Variants in RNF141 observed in about 807,000 individuals in gnomAD.
The protein encoded by RNF141 is C3HC4-like zinc finger protein.
In RNF141, 18 loss-of-function variants were observed where a neutral mutation model predicts 27.4. The observed-to-expected ratio is 0.66, with a 90% CI of 0.45 to 0.97. RNF141 has a LOEUF of 0.97. Ranked by LOEUF, RNF141 falls within the 50% of genes least tolerant of loss-of-function variation. RNF141 has a pLI of 0.00. For synonymous variants in RNF141, 97 were observed against 96.6 expected, an observed-to-expected ratio of 1.00 and a Z score of -0.02; for missense variants, 230 against 279.4, an observed-to-expected ratio of 0.82 and a Z score of 1.26.
At chr11:10,532,496 TACACACACACACACACACAC>T (rs10559393) in intron 2 of RNF141, among the ~76,000 whole-genome samples, 1 of 131,156 alleles carries the variant, frequency 7.6e-6, no homozygotes, top group African/African-American at 2.9e-5. Context: ...GTTCATTTTC[TACACACACACACACACACAC>T]ACACACACAC....
chr11:10,525,317 A>T lies in RNF141; in HGVS notation c.309T>A (p.Phe103Leu). Residue 103 changes from phenylalanine to leucine, a missense_variant, in exon 4 of 6, where the codon TTT becomes TTA. Physicochemically the swap from Phe to Leu is conservative, Grantham distance 22. Coordinates refer to ENST00000265981, the MANE Select transcript of RNF141 (RefSeq NM_016422.4). ...TTGTGATATCTTTATAAAGTTGAATAAACTGGTATAAATTCATGATCCGTG... is the reference window on the plus strand; with the variant it reads ...TTGTGATATCTTTATAAAGTTGAATTAACTGGTATAAATTCATGATCCGTG... Reference protein sequence around the residue: ...EASRIMNLYQFIQLYKDITSQ... With the variant: ...EASRIMNLYQLIQLYKDITSQ... The T allele has an allele frequency of 1.9e-6, 3 of 1,612,330 alleles. No homozygotes were observed. Among genetic ancestry groups the T allele is most frequent in the Non-Finnish European group, 1.7e-6 (2 of 1,178,868 alleles).
intron 4 of RNF141, among the ~76,000 whole-genome samples, chr11:10,521,120 C>T (rs1487195437): frequency 6.6e-6 from 1 of 152,172 alleles, no homozygotes; most frequent in Non-Finnish European, 1.5e-5. Flanking sequence ...TTTGCTCCAG[C>T]CACAATTCAG....
chr11:10,516,002 G>A (rs189935918), intron 5 of RNF141: 7 of 152,290 alleles, frequency 4.6e-5, no homozygotes, highest in African/African-American at 1.2e-4. Context: ...GACATATTAT[G>A]CAGAGAAAAA....
At chr11:10,519,673 T>C (rs932721416) in intron 4 of RNF141, among the ~76,000 whole-genome samples, 5 of 152,224 alleles carry the variant, frequency 3.3e-5, no homozygotes, top group South Asian at 2.1e-4. Context: ...TATGGAACAC[T>C]GTAGGCTACT....
intron 1 of RNF141, among the ~76,000 whole-genome samples, chr11:10,537,581 C>T (rs2133977440): frequency 6.6e-6 from 1 of 152,122 alleles, no homozygotes; most frequent in Middle Eastern, 3.4e-3. Context: ...ATTAAACTAA[C>T]CTAAGACAGA....
At chr11:10,531,827 C>A in intron 2 of RNF141, 1 of 248,594 alleles carries the variant, frequency 4.0e-6, no homozygotes, top group Non-Finnish European at 8.1e-6. Flanking sequence ...AGCAACTAGC[C>A]TTAGGAAACA....
Position 10,512,694 on chromosome 11 carries a change from G to C in RNF141, c.*2222C>G, listed in dbSNP as rs1299808136. The C allele has an allele frequency of 1.3e-5, 2 of 150,308 alleles. No homozygotes were observed. The highest frequency in any genetic ancestry group is 4.9e-5 in the African/African-American group (2 of 40,998). The allele number at this position is 150,308 out of a possible 1,614,324, so 9.3% of individuals were successfully genotyped here. On this transcript the variant is annotated 3_prime_UTR_variant, in exon 6 of 6. Transcript: ENST00000265981. Reference sequence around the variant, plus strand: ...ATCTATCCCAAGGTTTTCAAAATATGTTCCATGGAATACTAAGAATCTATG... The same window carrying C: ...ATCTATCCCAAGGTTTTCAAAATATCTTCCATGGAATACTAAGAATCTATG...
At chr11:10,524,275 C>T (rs1451458860) in intron 4 of RNF141, among the ~76,000 whole-genome samples, 1 of 152,032 alleles carries the variant, frequency 6.6e-6, no homozygotes. Flanking sequence ...ATTAGCCGGG[C>T]GTGGTGGCGG....
In RNF141 at chr11:10,534,218, C is replaced by T. The variant is rs570348799; in HGVS notation, c.-47-13G>A. The T allele has an allele frequency of 5.1e-6, 8 of 1,557,890 alleles. No homozygotes were observed. The African/African-American group carries it at 8.3e-5, about 16-fold the overall frequency. ...CTTCACATAGTTTCTGTCAAATATACAGAAAAGTTACTTTTACATATTATA... is the reference window on the plus strand; with the variant it reads ...CTTCACATAGTTTCTGTCAAATATATAGAAAAGTTACTTTTACATATTATA... On this transcript the variant is annotated splice_polypyrimidine_tract_variant and intron_variant, in intron 1 of 5. Transcript: ENST00000265981.
At chr11:10,532,815 G>GT (rs1387528649) in intron 2 of RNF141, among the ~76,000 whole-genome samples, 1 of 152,152 alleles carries the variant, frequency 6.6e-6, no homozygotes, top group Non-Finnish European at 1.5e-5. Flanking sequence ...CTACAGTACT[G>GT]TAAGTTTATA....
At position 10,514,859 on chromosome 11, in the gene RNF141, TC is replaced by T. The variant is rs1310023426; in HGVS notation, c.*56del. ...TGCCAGTGCCACAACCCTACATTCT[TC>T]CCCCATGACCAAATATTTGAGCCCA... On this transcript the variant is annotated 3_prime_UTR_variant, in exon 6 of 6. Transcript: ENST00000265981. 6.6e-7 allele frequency: 1 copy of T among 1,526,592 alleles called. No homozygotes were observed. The highest frequency in any genetic ancestry group is 1.4e-5 in the African/African-American group (1 of 72,226). 94.6% of individuals were successfully genotyped at this position (1,526,592 alleles called of 1,614,324 possible). A position where few individuals can be genotyped will look rare whatever the true frequency, so the allele number is the denominator to read the frequency against.
chr11:10,534,790 T>C (rs1365516755), intron 1 of RNF141, among the ~76,000 whole-genome samples: 1 of 152,156 alleles, frequency 6.6e-6, no homozygotes, highest in Non-Finnish European at 1.5e-5. Context: ...TTATCCACTA[T>C]GACATACTGG....
intron 4 of RNF141, 48 bp from the exon 5 acceptor site, chr11:10,519,189 G>T: frequency 6.6e-7 from 1 of 1,517,226 alleles, no homozygotes; most frequent in Non-Finnish European, 9.1e-7. Flanking sequence ...CTGTCATTAT[G>T]CTTTATACTT....
chr11:10,534,564 A>G (rs1236023101), intron 1 of RNF141, among the ~76,000 whole-genome samples: 2 of 152,100 alleles, frequency 1.3e-5, no homozygotes, highest in Admixed American at 1.3e-4. Flanking sequence ...TCCTAAGAAC[A>G]TTTCCTGACT....
At chr11:10,538,750 G>C (rs1274544418) in intron 1 of RNF141, among the ~76,000 whole-genome samples, 1 of 152,206 alleles carries the variant, frequency 6.6e-6, no homozygotes, top group Non-Finnish European at 1.5e-5. Flanking sequence ...CTAGGTTGGA[G>C]AGAAGCAGAA....
At chr11:10,518,836 C>T (rs755768413) in intron 5 of RNF141, 198 bp downstream of exon 5, 15 of 453,552 alleles carry the variant, frequency 3.3e-5, no homozygotes, top group Non-Finnish European at 3.9e-6. Flanking sequence ...AACTAAGGTA[C>T]ACCCCCATAT....
chr11:10,514,790 T>A lies in RNF141; in HGVS notation c.*126A>T. On this transcript the variant is annotated 3_prime_UTR_variant, in exon 6 of 6. Transcript: ENST00000265981. The stretch of plus-strand genomic sequence containing the variant: ...TTAAAAGGGGGACAAATGATCAGAA[T>A]AGCAAAAATAAAAGAGTGGGGAAAA... The A allele has an allele frequency of 5.8e-6, 5 of 862,120 alleles. No homozygotes were observed. Among genetic ancestry groups the A allele is most frequent in the Non-Finnish European group, 8.4e-6 (5 of 593,380 alleles). 53.4% of individuals were successfully genotyped at this position (862,120 alleles called of 1,614,324 possible).
intron 4 of RNF141, among the ~76,000 whole-genome samples, chr11:10,520,787 T>C (rs1205856889): frequency 6.6e-6 from 1 of 152,242 alleles, no homozygotes; most frequent in African/African-American, 2.4e-5. Context: ...TTAGGATGGC[T>C]ACGACGTCCA....
At chr11:10,516,104 T>A (rs1382616206) in intron 5 of RNF141, 1 of 152,248 alleles carries the variant, frequency 6.6e-6, no homozygotes, top group African/African-American at 2.4e-5. Flanking sequence ...TTTAGAACTC[T>A]GTTCCAAAAA....
Sources: allele counts gnomAD v4.1 joint callset (sites outside exome capture counted in the v4.1 genomes callset), GRCh38; gene constraint gnomAD v4.1.1; transcripts MANE v1.5; gene names NCBI Gene and HGNC (gene_info 2026-07-23, HGNC 2026-07-21).